Variants in PIKFYVE observed in about 807,000 individuals in gnomAD.
PIKFYVE encodes the protein phosphoinositide kinase, FYVE-type zinc finger containing.
PIKFYVE carries 122 observed loss-of-function variants against 257.9 expected under a neutral mutation model. That is an observed-to-expected ratio of 0.47 (90% confidence interval 0.41 to 0.55). The LOEUF is 0.55. PIKFYVE is among the 20% of genes least tolerant of loss of function. The probability of loss-of-function intolerance (pLI) is 0.00; values close to 1 mark genes in which losing one functional copy is unlikely to be tolerated. For synonymous variants in PIKFYVE, 892 were observed against 868.9 expected (o/e 1.03, Z -0.47); for missense variants, 2,160 against 2,536.6 (o/e 0.85, Z 3.19).
At chr2:208,289,435 T>A (rs1271829340) in intron 7 of PIKFYVE, among the ~76,000 whole-genome samples, 2 of 152,110 alleles carry the variant, frequency 1.3e-5, no homozygotes, top group African/African-American at 4.8e-5. Context: ...TTTATTTATC[T>A]TATTATTATT....
intron 5 of PIKFYVE, among the ~76,000 whole-genome samples, chr2:208,278,078 T>C (rs1690337342): frequency 6.6e-6 from 1 of 152,212 alleles, no homozygotes; most frequent in Non-Finnish European, 1.5e-5. Flanking sequence ...TGGCAGTGAA[T>C]TGTGTCTTAC....
intron 34 of PIKFYVE, among the ~76,000 whole-genome samples, chr2:208,346,920 C>G (rs1488341648): frequency 6.6e-6 from 1 of 152,212 alleles, no homozygotes; most frequent in African/African-American, 2.4e-5. Flanking sequence ...CCGCTGTTCT[C>G]TTTCATTAGG....
chr2:208,356,790 T>G lies in PIKFYVE; in HGVS notation c.*1485T>G, dbSNP rs1700187776. On this transcript the variant is annotated 3_prime_UTR_variant, in exon 42 of 42. Transcript: ENST00000264380. ...AATACTGTAACCCCAGAATATTTCC[T>G]CTTGACTTCTTTTTGTAACAAGGAT... 6.5e-6 allele frequency: 1 copy of G among 152,682 alleles called. No individual in the cohort carries two copies. Among genetic ancestry groups the G allele is most frequent in the African/African-American group, 2.4e-5 (1 of 41,470 alleles). The allele number at this position is 152,682 out of a possible 1,614,324, so 9.5% of individuals were successfully genotyped here. A position where few individuals can be genotyped will look rare whatever the true frequency, so the allele number is the denominator to read the frequency against.
In PIKFYVE at chr2:208,274,247, T is replaced by C. The variant is rs189185990; in HGVS notation, c.322+514T>C. Among the ~76,000 whole-genome samples, 68 of 152,360 alleles carry C rather than the reference T, an allele frequency of 4.5e-4. 1 individual carries two copies. The South Asian group carries it at 8.9e-3, about 20-fold the overall frequency. ...CTGAGCTCCTCTCATCTGTCTGTTTTCCATTCTGGTCTACTACACAGTCAT... is the reference window on the plus strand; with the variant it reads ...CTGAGCTCCTCTCATCTGTCTGTTTCCCATTCTGGTCTACTACACAGTCAT... On this transcript the variant is annotated intron_variant, in intron 3 of 41. Transcript: ENST00000264380.
rs530975785 is a variant in PIKFYVE, at chr2:208,266,259, A to T, written c.-166A>T. 825 of 152,028 alleles carry T rather than the reference A, an allele frequency of 5.4e-3. 7 individuals are homozygous for T. The highest frequency in any genetic ancestry group is 7.5e-3 in the Non-Finnish European group (511 of 68,038). The allele number at this position is 152,028 out of a possible 1,614,324, so 9.4% of individuals were successfully genotyped here. A position where few individuals can be genotyped will look rare whatever the true frequency, so the allele number is the denominator to read the frequency against. ...GGAGTCTTGGGGGGGGGAAGCGAGAAGCCGCATCAACCATGTAAGCAGCTT... is the reference window on the plus strand; with the variant it reads ...GGAGTCTTGGGGGGGGGAAGCGAGATGCCGCATCAACCATGTAAGCAGCTT... On this transcript the variant is annotated 5_prime_UTR_variant, in exon 1 of 42. In the 5' UTR this introduces an upstream ATG that the reference lacks. Coordinates refer to ENST00000264380, the MANE Select transcript of PIKFYVE (RefSeq NM_015040.4).
intron 19 of PIKFYVE, 51 bp from the exon 20 acceptor site, chr2:208,325,219 T>C: frequency 1.3e-6 from 2 of 1,581,110 alleles, no homozygotes; most frequent in Non-Finnish European, 1.7e-6. Flanking sequence ...TATTTGTACT[T>C]CTGGATTGCC....
At chr2:208,328,654 C>T (rs540494900) in intron 21 of PIKFYVE, among the ~76,000 whole-genome samples, 171 of 152,240 alleles carry the variant, frequency 1.1e-3, no homozygotes, top group African/African-American at 4.0e-3. Flanking sequence ...CAAGTCTAAA[C>T]ATGAAATTCA....
intron 1 of PIKFYVE, among the ~76,000 whole-genome samples, chr2:208,267,670 C>T (rs892596793): frequency 3.9e-5 from 6 of 151,982 alleles, no homozygotes; most frequent in Non-Finnish European, 5.9e-5. Flanking sequence ...CCACACTCGG[C>T]TAATTTTTGT....
In PIKFYVE at chr2:208,269,339, T is replaced by G. The variant is rs147012549; in HGVS notation, c.-9-2172T>G. On this transcript the variant is annotated intron_variant, in intron 1 of 41. Coordinates refer to ENST00000264380, the MANE Select transcript of PIKFYVE (RefSeq NM_015040.4). ...TCTGGGCCCTAGGGATCTACAGAGC[T>G]CAGTAGGCTTAGGAAGTGTTTCAGG... 396 of 160,808 alleles carry G rather than the reference T, an allele frequency of 2.5e-3. 1 individual carries two copies. The highest frequency in any genetic ancestry group is 8.5e-3 in the African/African-American group (355 of 41,786). 10.0% of individuals were successfully genotyped at this position (160,808 alleles called of 1,614,324 possible). A position where few individuals can be genotyped will look rare whatever the true frequency, so the allele number is the denominator to read the frequency against.
intron 12 of PIKFYVE, among the ~76,000 whole-genome samples, chr2:208,309,730 T>C (rs970016674): frequency 6.6e-6 from 1 of 152,352 alleles, no homozygotes; most frequent in Non-Finnish European, 1.5e-5. Context: ...TTTGCCACTG[T>C]GCATGGTAAG....
intron 7 of PIKFYVE, 63 bp downstream of exon 7, chr2:208,288,881 GAACA>G: frequency 6.3e-7 from 1 of 1,581,222 alleles, no homozygotes; most frequent in Non-Finnish European, 8.7e-7. Context: ...CTAATAAGAA[GAACA>G]AACGGATAAA....
At chr2:208,319,839 CCCTCTTCT>C (rs1385037202) in intron 16 of PIKFYVE, among the ~76,000 whole-genome samples, 3 of 152,024 alleles carry the variant, frequency 2.0e-5, no homozygotes, top group African/African-American at 7.3e-5. Context: ...ATTCTTTTCT[CCCTCTTCT>C]CCTCTTCAAT....
intron 34 of PIKFYVE, 54 bp from the exon 35 acceptor site, chr2:208,347,805 T>C: frequency 6.7e-7 from 1 of 1,487,186 alleles, no homozygotes; most frequent in Non-Finnish European, 9.2e-7. Context: ...AAATTTTTAT[T>C]TTTCATCTGT....
rs777491921 is a variant in PIKFYVE, at chr2:208,304,296, A to G, written c.1446A>G (p.Glu482=). 1.9e-6 allele frequency: 3 copies of G among 1,614,184 alleles called. No homozygotes were observed. The highest frequency in any genetic ancestry group is 1.1e-5 in the South Asian group (1 of 91,088). The change falls in exon 11 of 42, where the codon GAA becomes GAG. Residue 482 remains glutamate, a synonymous_variant. Coordinates refer to ENST00000264380, the MANE Select transcript of PIKFYVE (RefSeq NM_015040.4). ...FDDSDTEQIA[E]EGDDNLANSA... ...ACAGTGACACAGAACAGATAGCTGA[A>G]GAAGGTGACGATAATTTGGCTAGTG...
Position 208,320,251 on chromosome 2 carries a change from GA to G in PIKFYVE, c.2083del (p.Met695Ter). Reference sequence around the variant, plus strand: ...TTTAACAAACTGTTCATTTTTTGTAGATGAGTTCTTGTATTAAAAACCCCAA... The same window carrying G: ...TTTAACAAACTGTTCATTTTTTGTAGTGAGTTCTTGTATTAAAAACCCCAA... ...VCTKNIAHKKMSSCIKNPKIL... is the reference protein window; with the variant it reads ...VCTKNIAHKKXSSCIKNPKIL... On this transcript the variant is annotated frameshift_variant and splice_region_variant, in exon 17 of 42. Coordinates refer to ENST00000264380, the MANE Select transcript of PIKFYVE (RefSeq NM_015040.4). LOFTEE classifies it high-confidence loss of function. The G allele has an allele frequency of 6.2e-7, 1 of 1,609,884 alleles. No homozygotes were observed. The highest frequency in any genetic ancestry group is 8.5e-7 in the Non-Finnish European group (1 of 1,177,804).
chr2:208,323,659 A>C (rs1005447656), intron 17 of PIKFYVE, among the ~76,000 whole-genome samples: 11 of 152,176 alleles, frequency 7.2e-5, no homozygotes, highest in Non-Finnish European at 1.6e-4. Context: ...TGGTATTTCT[A>C]GTTCTAGATC....
At chr2:208,330,374 C>T in intron 22 of PIKFYVE, 149 bp from the exon 23 acceptor site, 1 of 880,976 alleles carries the variant, frequency 1.1e-6, no homozygotes. Context: ...AAACTATCAC[C>T]GTGCTGTAGC....
chr2:208,325,072 A>G (rs1696759742), intron 19 of PIKFYVE, 35 bp downstream of exon 19: 2 of 1,613,198 alleles, frequency 1.2e-6, no homozygotes, highest in Non-Finnish European at 1.7e-6. Context: ...ACCTGAGGAA[A>G]AGAGTTAACT....
intron 34 of PIKFYVE, among the ~76,000 whole-genome samples, chr2:208,346,460 G>A (rs2043719): frequency 0.99 from 151,290 of 152,336 alleles, 75,136 homozygotes; most frequent in Middle Eastern, 1. Flanking sequence ...TGCAAGATAC[G>A]TTTTTTTCCT....
Sources: allele counts gnomAD v4.1 joint callset (sites outside exome capture counted in the v4.1 genomes callset), GRCh38; gene constraint gnomAD v4.1.1; transcripts MANE v1.5; gene names NCBI Gene and HGNC (gene_info 2026-07-23, HGNC 2026-07-21).